The following CENPP variants were observed in gnomAD, a reference collection of about 807,000 sequenced individuals.
CENPP encodes the protein centromere protein P.
A neutral mutation model predicts 35.6 loss-of-function variants in CENPP; 24 were observed. The ratio of observed to expected loss-of-function variants is 0.67; its 90% CI spans 0.49 to 0.95. The LOEUF is 0.95. Ranked by LOEUF, CENPP falls within the 40% of genes least tolerant of loss-of-function variation. The probability of loss-of-function intolerance (pLI) is 0.00; values close to 1 mark genes in which losing one functional copy is unlikely to be tolerated. For synonymous variants in CENPP, 120 were observed against 125.5 expected (o/e 0.96, Z 0.29); for missense variants, 332 against 345.3 (o/e 0.96, Z 0.31).
chr9:92,352,915 T>C (rs2130818056), intron 4 of CENPP, among the ~76,000 whole-genome samples: 1 of 152,172 alleles, frequency 6.6e-6, no homozygotes, highest in South Asian at 2.1e-4. Flanking sequence ...TGACACTTAG[T>C]ATTAACCATG....
At chr9:92,356,883 G>A (rs937480748) in intron 4 of CENPP, among the ~76,000 whole-genome samples, 24 of 152,258 alleles carry the variant, frequency 1.6e-4, no homozygotes, top group East Asian at 1.4e-3. Context: ...TGGTCCCTCC[G>A]TTCGGGGTCC....
At chr9:92,401,888 G>A (rs1209268003) in intron 5 of CENPP, among the ~76,000 whole-genome samples, 5 of 152,102 alleles carry the variant, frequency 3.3e-5, no homozygotes, top group African/African-American at 1.2e-4. Flanking sequence ...TCCTTTGTAA[G>A]CATGTTCCAT....
intron 5 of CENPP, among the ~76,000 whole-genome samples, chr9:92,479,323 C>T (rs1298464169): frequency 6.6e-6 from 1 of 152,174 alleles, no homozygotes; most frequent in Non-Finnish European, 1.5e-5. Flanking sequence ...TGCCTTTAAT[C>T]AAAACTGCGG....
chr9:92,515,249 T>A (rs749677524), intron 5 of CENPP: 2 of 1,425,132 alleles, frequency 1.4e-6, no homozygotes, highest in Non-Finnish European at 1.8e-6. Context: ...GTTGATGATA[T>A]TAATAAAAGA....
At chr9:92,531,932 T>C (rs1848781261) in intron 5 of CENPP, among the ~76,000 whole-genome samples, 1 of 151,814 alleles carries the variant, frequency 6.6e-6, no homozygotes, top group African/African-American at 2.4e-5. Flanking sequence ...TTTTTCCCCC[T>C]ACACTTTCAT....
chr9:92,356,033 G>A (rs1841580741), intron 4 of CENPP, among the ~76,000 whole-genome samples: 1 of 152,012 alleles, frequency 6.6e-6, no homozygotes, highest in Non-Finnish European at 1.5e-5. Context: ...ATAAACACAG[G>A]GGTTAGTCAA....
Position 92,593,649 on chromosome 9 carries a change from C to T in CENPP, c.565-17665C>T, listed in dbSNP as rs553436708. 6.6e-6 allele frequency among the ~76,000 whole-genome samples: 1 copy of T among 152,344 alleles called. No homozygotes were observed. The highest frequency in any genetic ancestry group is 1.5e-5 in the Non-Finnish European group (1 of 68,034). ...GCCCATAATAAGCTGGTTCCTTCCT[C>T]CTGCCTGGGCCAACAATGAAAGCGA... is the stretch of plus-strand genomic sequence containing the variant. On this transcript the variant is annotated intron_variant, in intron 5 of 7. Coordinates refer to ENST00000375587, the MANE Select transcript of CENPP (RefSeq NM_001012267.3). The surrounding 1 kb of genome is among the most constrained non-coding windows in gnomAD (Gnocchi z 4.1).
chr9:92,352,518 T>C (rs866219162), intron 4 of CENPP, among the ~76,000 whole-genome samples: 136 of 104,288 alleles, frequency 1.3e-3, no homozygotes, highest in African/African-American at 6.2e-3. Context: ...TACATATATA[T>C]ATATATATAT....
At chr9:92,377,421 C>G (rs568221796) in intron 4 of CENPP, among the ~76,000 whole-genome samples, 6 of 152,230 alleles carry the variant, frequency 3.9e-5, no homozygotes, top group African/African-American at 1.4e-4. Context: ...GAATAAGATC[C>G]CTTTGACTGT....
chr9:92,609,924 C>G (rs920068440), intron 5 of CENPP, among the ~76,000 whole-genome samples: 1 of 151,920 alleles, frequency 6.6e-6, no homozygotes, highest in African/African-American at 2.4e-5. Flanking sequence ...TTAGTAGAGA[C>G]GGGCTTTCAC....
At chr9:92,421,288 C>G (rs111897024) in intron 5 of CENPP, among the ~76,000 whole-genome samples, 6 of 152,216 alleles carry the variant, frequency 3.9e-5, no homozygotes, top group Non-Finnish European at 8.8e-5. Flanking sequence ...AGTCTGCCCC[C>G]CTCAGCCTCC....
chr9:92,545,225 TGGGATG>T (rs1201346611), intron 5 of CENPP, among the ~76,000 whole-genome samples: 1 of 151,808 alleles, frequency 6.6e-6, no homozygotes, highest in Non-Finnish European at 1.5e-5. Flanking sequence ...GGCTCGGACC[TGGGATG>T]GCCGAGGCCG....
At chr9:92,501,608 A>G (rs1256764655) in intron 5 of CENPP, among the ~76,000 whole-genome samples, 1 of 152,020 alleles carries the variant, frequency 6.6e-6, no homozygotes, top group Non-Finnish European at 1.5e-5. Flanking sequence ...AACGTGGTGA[A>G]CTCACTGGCT....
rs530201050 is a variant in CENPP at position 92,457,540 on chromosome 9, A to G, written c.564+77681A>G. 9 of 1,313,440 alleles carry G rather than the reference A, an allele frequency of 6.9e-6. No individual in the cohort carries two copies. The African/African-American group carries it at 1.2e-4, about 17-fold the overall frequency. The allele number at this position is 1,313,440 out of a possible 1,614,324, so 81.4% of individuals were successfully genotyped here. On this transcript the variant is annotated intron_variant, in intron 5 of 7. Transcript: ENST00000375587. ...AAAATACCCAGTAAATGTAAACGGA[A>G]GATACTCTGTAGTCGCCATTTGTTT... is the stretch of plus-strand genomic sequence containing the variant.
At chr9:92,533,374 C>T (rs1371622830) in intron 5 of CENPP, among the ~76,000 whole-genome samples, 3 of 126,602 alleles carry the variant, frequency 2.4e-5, no homozygotes, top group African/African-American at 9.1e-5. Context: ...GGGTCCACTT[C>T]ACTTTTCCTA....
intron 5 of CENPP, among the ~76,000 whole-genome samples, chr9:92,549,686 C>A (rs1220204869): frequency 6.6e-6 from 1 of 151,666 alleles, no homozygotes; most frequent in African/African-American, 2.4e-5. Context: ...AGATGACATT[C>A]TATTGAGAAT....
At chr9:92,457,386 A>C (rs1481070526) in intron 5 of CENPP, 1 of 1,613,908 alleles carries the variant, frequency 6.2e-7, no homozygotes, top group South Asian at 1.1e-5. Flanking sequence ...TTGTTGAATA[A>C]ACTTATTGCA....
intron 5 of CENPP, among the ~76,000 whole-genome samples, chr9:92,420,421 C>T (rs1015525071): frequency 6.6e-6 from 1 of 152,190 alleles, no homozygotes; most frequent in Non-Finnish European, 1.5e-5. Flanking sequence ...AATTCTCTAC[C>T]TACTCACAGC....
At chr9:92,507,393 T>C (rs1847070594) in intron 5 of CENPP, among the ~76,000 whole-genome samples, 1 of 152,226 alleles carries the variant, frequency 6.6e-6, no homozygotes, top group Admixed American at 6.5e-5. Flanking sequence ...AATGAACTAG[T>C]GGCCATTACA....
Sources: allele counts gnomAD v4.1 joint callset (sites outside exome capture counted in the v4.1 genomes callset), GRCh38; gene constraint gnomAD v4.1.1; non-coding constraint Gnocchi (gnomAD v3.1); transcripts MANE v1.5; gene names NCBI Gene and HGNC (gene_info 2026-07-23, HGNC 2026-07-21).